DCDC1: variants seen among roughly 807,000 people sequenced by gnomAD.
The protein encoded by DCDC1 is doublecortin domain-containing protein 1.
Under a neutral mutation model 178.3 loss-of-function variants are expected in DCDC1, and 200 were observed. That is an observed-to-expected ratio of 1.12 (90% CI 1.00 to 1.26). The LOEUF is 1.26. Ranked by LOEUF, DCDC1 falls within the 50% of genes most tolerant of loss-of-function variation. The pLI, the probability that DCDC1 is intolerant of heterozygous loss-of-function variation, is 0.00. For missense variants in DCDC1, 1,983 were observed against 1,749.2 expected, an observed-to-expected ratio of 1.13 and a Z score of -2.38; for synonymous variants, 690 against 604.8, an observed-to-expected ratio of 1.14 and a Z score of -2.07.
rs189233684 is a variant in DCDC1, at chr11:30,953,509, A to C, written c.2592-941T>G. On this transcript the variant is annotated intron_variant, in intron 20 of 38. Transcript: ENST00000684477. Reference sequence around the variant, plus strand: ...TAATTTATTAAAAGCTAAGTAGAGAAGGGAAATTAATAAAGCATTCAACTC... The same window carrying C: ...TAATTTATTAAAAGCTAAGTAGAGACGGGAAATTAATAAAGCATTCAACTC... Among the ~76,000 whole-genome samples the C allele has an allele frequency of 1.1e-4, 16 of 152,016 alleles. No homozygotes were observed. In the East Asian group the frequency reaches 3.1e-3, roughly 29 times the overall value.
intron 9 of DCDC1, among the ~76,000 whole-genome samples, chr11:31,213,121 CT>C (rs1395489569): frequency 7.6e-3 from 929 of 122,416 alleles, no homozygotes; most frequent in Non-Finnish European, 0.012. Context: ...CTCTCTCTCT[CT>C]CTCTCTCTCT....
At chr11:31,036,892 T>C (rs1032166979) in intron 20 of DCDC1, among the ~76,000 whole-genome samples, 11 of 152,354 alleles carry the variant, frequency 7.2e-5, no homozygotes, top group African/African-American at 2.2e-4. Context: ...TGATAAACTA[T>C]TACATGATAA....
intron 20 of DCDC1, among the ~76,000 whole-genome samples, chr11:30,964,227 T>G (rs968908307): frequency 6.6e-6 from 1 of 152,146 alleles, no homozygotes; most frequent in African/African-American, 2.4e-5. Context: ...GATTAATGGA[T>G]AGAGAAGAGA....
intron 20 of DCDC1, among the ~76,000 whole-genome samples, chr11:30,978,171 A>C (rs1036146850): frequency 6.6e-6 from 1 of 152,228 alleles, no homozygotes; most frequent in African/African-American, 2.4e-5. Context: ...GTGGCTATCC[A>C]CGCCAATTGT....
chr11:30,891,345 T>C (rs1334533673), intron 36 of DCDC1, among the ~76,000 whole-genome samples: 1 of 152,188 alleles, frequency 6.6e-6, no homozygotes, highest in Admixed American at 6.5e-5. Context: ...ATGCCTTTTA[T>C]ATGCTACACC....
At chr11:30,945,611 T>A (rs1237616966) in intron 21 of DCDC1, among the ~76,000 whole-genome samples, 2 of 151,986 alleles carry the variant, frequency 1.3e-5, no homozygotes, top group Non-Finnish European at 2.9e-5. Flanking sequence ...GAGAATCGCT[T>A]GAACCCAGGA....
chr11:31,312,658 T>C (rs1022592550), intron 3 of DCDC1: 2 of 152,248 alleles, frequency 1.3e-5, no homozygotes, highest in African/African-American at 4.8e-5. Context: ...TAATCTTCCC[T>C]GTTCTGGTCA....
chr11:31,215,219 C>A, intron 9 of DCDC1: 1 of 240,550 alleles, frequency 4.2e-6, no homozygotes, highest in Non-Finnish European at 8.8e-6. Flanking sequence ...CCCTTGAGCA[C>A]AGGAGATTGA....
intron 1 of DCDC1, among the ~76,000 whole-genome samples, chr11:31,361,146 T>C (rs191164584): frequency 3.9e-5 from 6 of 152,320 alleles, no homozygotes; most frequent in Admixed American, 3.3e-4. Context: ...TTTAAGTATA[T>C]ATAAAATGCA....
At chr11:31,053,774 C>T (rs1214526842) in intron 20 of DCDC1, among the ~76,000 whole-genome samples, 2 of 152,130 alleles carry the variant, frequency 1.3e-5, no homozygotes, top group African/African-American at 4.8e-5. Context: ...TCCAGCATCC[C>T]TTTATGATTA....
chr11:31,305,214 C>A (rs951906063), intron 6 of DCDC1, among the ~76,000 whole-genome samples: 1 of 151,942 alleles, frequency 6.6e-6, no homozygotes, highest in Non-Finnish European at 1.5e-5. Flanking sequence ...TGAAAAAAGA[C>A]CAAGAGTGTA....
chr11:31,330,726 C>G (rs147227619), intron 2 of DCDC1, among the ~76,000 whole-genome samples: 133 of 152,268 alleles, frequency 8.7e-4, no homozygotes, highest in African/African-American at 3.0e-3. Context: ...AGTGTTACTT[C>G]TGAGGCCTCT....
chr11:31,138,145 T>C (rs1005813083), intron 9 of DCDC1, among the ~76,000 whole-genome samples: 2 of 152,172 alleles, frequency 1.3e-5, no homozygotes, highest in Non-Finnish European at 2.9e-5. Context: ...TCATTATGCA[T>C]AGGGAGTAAA....
chr11:31,237,381 A>C (rs1386806188), intron 9 of DCDC1, among the ~76,000 whole-genome samples: 1 of 151,956 alleles, frequency 6.6e-6, no homozygotes, highest in Non-Finnish European at 1.5e-5. Flanking sequence ...TAAAAAGTAA[A>C]ACCTAATTTT....
intron 14 of DCDC1, among the ~76,000 whole-genome samples, chr11:31,102,745 T>C (rs1220498918): frequency 6.6e-6 from 1 of 152,216 alleles, no homozygotes; most frequent in Non-Finnish European, 1.5e-5. Flanking sequence ...TTTAAATTAA[T>C]TTACTTGAAC....
chr11:31,279,582 T>C (rs1051193399), intron 7 of DCDC1, among the ~76,000 whole-genome samples: 5 of 152,182 alleles, frequency 3.3e-5, no homozygotes, highest in Non-Finnish European at 7.4e-5. Flanking sequence ...GATGAGTTCA[T>C]GTCCTTTGCA....
intron 20 of DCDC1, among the ~76,000 whole-genome samples, chr11:30,978,520 G>T (rs1950217790): frequency 6.6e-6 from 1 of 151,572 alleles, no homozygotes; most frequent in Non-Finnish European, 1.5e-5. Flanking sequence ...CATATTTATG[G>T]GGTAAATGTG....
rs569265292 is a variant in DCDC1 at position 31,058,474 on chromosome 11, C to T, written c.2591+5995G>A. On this transcript the variant is annotated intron_variant, in intron 20 of 38. Transcript: ENST00000684477. ...GTATATGACAGGTAGCAATAAGTAT[C>T]GTGAAGAAAAATAAAGCAGGGAAAG... is the stretch of plus-strand genomic sequence containing the variant. Among the ~76,000 whole-genome samples the T allele has an allele frequency of 7.2e-5, 11 of 151,870 alleles. No individual in the cohort carries two copies. In the East Asian group the frequency reaches 1.9e-3, roughly 27 times the overall value.
At chr11:30,946,810 T>C (rs1948083223) in intron 21 of DCDC1, among the ~76,000 whole-genome samples, 1 of 152,162 alleles carries the variant, frequency 6.6e-6, no homozygotes, top group Admixed American at 6.6e-5. Context: ...TATTACATAC[T>C]AGAGATCCAG....
Sources: allele counts gnomAD v4.1 joint callset (sites outside exome capture counted in the v4.1 genomes callset), GRCh38; gene constraint gnomAD v4.1.1; transcripts MANE v1.5; gene names NCBI Gene and HGNC (gene_info 2026-07-23, HGNC 2026-07-21).